Variants in RASGRF1 observed in about 807,000 individuals in gnomAD.
The protein encoded by RASGRF1 is ras-specific guanine nucleotide-releasing factor 1.
A neutral mutation model predicts 138.7 loss-of-function variants in RASGRF1; 40 were observed. The ratio of observed to expected loss-of-function variants is 0.29; its 90% confidence interval spans 0.22 to 0.38. RASGRF1 has a LOEUF of 0.38. RASGRF1 is among the 10% of genes least tolerant of loss of function. RASGRF1 has a pLI of 1.00. For missense variants in RASGRF1, 1,108 were observed against 1,650.4 expected (o/e 0.67, Z 5.69); for synonymous variants, 614 against 663.2 (o/e 0.93, Z 1.14).
intron 3 of RASGRF1, among the ~76,000 whole-genome samples, chr15:79,055,065 C>A (rs933152270): frequency 6.6e-6 from 1 of 152,194 alleles, no homozygotes; most frequent in African/African-American, 2.4e-5. Flanking sequence ...GAGGAGAAGG[C>A]TGTGGTGGGG....
rs2056900818 is a variant in RASGRF1, at chr15:79,017,761, G to A, written c.1743+9C>T. 1.3e-6 allele frequency: 2 copies of A among 1,596,228 alleles called. No individual in the cohort carries two copies. Among genetic ancestry groups the A allele is most frequent in the Non-Finnish European group, 1.7e-6 (2 of 1,173,230 alleles). On this transcript the variant is annotated intron_variant, in intron 12 of 26. Coordinates refer to ENST00000558480, the MANE Select transcript of RASGRF1 (RefSeq NM_001145648.3). ...CCACTCGCTTTCAGGAACAGGTGAC[G>A]CTACTCACCTGGCTGATGTCACTGG...
intron 5 of RASGRF1, among the ~76,000 whole-genome samples, chr15:79,042,873 A>G (rs1469583001): frequency 6.6e-6 from 1 of 152,214 alleles, no homozygotes. Context: ...GGGCTGTTTT[A>G]AGGTCACAAA....
At chr15:79,041,564 A>C (rs906165960) in intron 5 of RASGRF1, among the ~76,000 whole-genome samples, 6 of 152,188 alleles carry the variant, frequency 3.9e-5, no homozygotes, top group Admixed American at 2.6e-4. Flanking sequence ...CATCCAAGGA[A>C]AGACATGAAC....
At chr15:79,047,163 C>T (rs931422610) in intron 4 of RASGRF1, among the ~76,000 whole-genome samples, 164 bp from the exon 5 acceptor site, 21 of 152,196 alleles carry the variant, frequency 1.4e-4, no homozygotes, top group Non-Finnish European at 2.9e-4. Context: ...AGCTCTGTTG[C>T]CCACATGATA....
Position 79,006,270 on chromosome 15 carries a change from G to A in RASGRF1, c.1991C>T (p.Ser664Phe). ...GATGGCGGTGGTGAAGACGCGGTAG[G>A]AGTGCAGGAAGGTGTTGAGGAAGTC... ...SIDFLNTFLH[S>F]YRVFTTAIVV... The change falls in exon 14 of 27, where the codon TCC becomes TTC. Residue 664 changes from serine to phenylalanine, a missense_variant. Ser to Phe is a radical substitution (Grantham distance 155). Around this residue, in one of 3 missense-constraint regions of RASGRF1, gnomAD observed 686 missense variants for 976.7 expected, o/e 0.70. Coordinates refer to ENST00000558480, the MANE Select transcript of RASGRF1 (RefSeq NM_001145648.3). The surrounding 1 kb of genome is among the most constrained non-coding windows in gnomAD (Gnocchi z 4.0). The A allele has an allele frequency of 6.2e-7, 1 of 1,614,198 alleles. No homozygotes were observed. Among genetic ancestry groups the A allele is most frequent in the Non-Finnish European group, 8.5e-7 (1 of 1,180,046 alleles).
chr15:78,983,301 G>A (rs2056076817), intron 23 of RASGRF1, among the ~76,000 whole-genome samples: 2 of 145,008 alleles, frequency 1.4e-5, no homozygotes, highest in East Asian at 4.1e-4. Flanking sequence ...TGGTGCCAAA[G>A]GTATTTTTGA....
At chr15:79,043,537 C>G (rs1195396123) in intron 5 of RASGRF1, among the ~76,000 whole-genome samples, 1 of 152,184 alleles carries the variant, frequency 6.6e-6, no homozygotes, top group Non-Finnish European at 1.5e-5. Flanking sequence ...CTGATGACCT[C>G]TAGAGTCCAT....
Position 78,973,167 on chromosome 15 carries a change from A to G in RASGRF1, c.3612+136T>C. On this transcript the variant is annotated intron_variant, in intron 25 of 26. Coordinates refer to ENST00000558480, the MANE Select transcript of RASGRF1 (RefSeq NM_001145648.3). This position sits in a 1 kb window ranked among gnomAD's most constrained non-coding sequence, Gnocchi z 4.9. ...TGATAGTGATGGCTGTCATTGGGGAAGCTGGACCCAGGCTCCCAAATGGGG... is the reference window on the plus strand; with the variant it reads ...TGATAGTGATGGCTGTCATTGGGGAGGCTGGACCCAGGCTCCCAAATGGGG... 1.5e-6 allele frequency: 1 copy of G among 669,110 alleles called. No homozygotes were observed. Among genetic ancestry groups the G allele is most frequent in the Non-Finnish European group, 2.6e-6 (1 of 382,668 alleles). The allele number at this position is 669,110 out of a possible 1,614,324, so 41.4% of individuals were successfully genotyped here. A position where few individuals can be genotyped will look rare whatever the true frequency, so the allele number is the denominator to read the frequency against.
rs2056273301 is a variant in RASGRF1 at position 78,991,792 on chromosome 15, A to T, written c.3030T>A (p.Ala1010=). 1.2e-6 allele frequency: 2 copies of T among 1,611,384 alleles called. No individual in the cohort carries two copies. Among genetic ancestry groups the T allele is most frequent in the South Asian group, 1.1e-5 (1 of 90,966 alleles). Reference sequence around the variant, plus strand: ...CAAAGGGCTCAGCCTTCACGCCTTCAGCCTGGTTTTGAGTTGGGGGAGCAA... The same window carrying T: ...CAAAGGGCTCAGCCTTCACGCCTTCTGCCTGGTTTTGAGTTGGGGGAGCAA... The part of the protein sequence containing the change: ...QITLEEITQM[A]EGVKAEPFEN... Residue 1010 remains alanine (A), a splice_region_variant and synonymous_variant, in exon 21 of 27, where the codon GCT becomes GCA. Transcript: ENST00000558480.
At chr15:79,012,499 C>G (rs1318830391) in intron 13 of RASGRF1, 1 of 1,606,382 alleles carries the variant, frequency 6.2e-7, no homozygotes, top group Non-Finnish European at 8.5e-7. Flanking sequence ...CTGCTCATTT[C>G]TGCTTCCCTG....
chr15:79,055,083 A>G (rs1361028897), intron 3 of RASGRF1, among the ~76,000 whole-genome samples: 1 of 152,198 alleles, frequency 6.6e-6, no homozygotes, highest in Admixed American at 6.5e-5. Flanking sequence ...GGGCAGGCTC[A>G]GGCCAAGGAT....
chr15:79,014,928 AAAC>A (rs1567520854), intron 13 of RASGRF1, among the ~76,000 whole-genome samples: 1 of 140,572 alleles, frequency 7.1e-6, no homozygotes, highest in African/African-American at 3.1e-5. Flanking sequence ...AAAAAACAAA[AAAC>A]AAAAAACAAA....
rs777203011 is a variant in RASGRF1, at chr15:78,962,113, G to A, written c.*31C>T. On this transcript the variant is annotated 3_prime_UTR_variant, in exon 27 of 27. Transcript: ENST00000558480. ...ACAGTATCATCTAGCACATGTCCCCGGGAGCAGCTGGGTCTGGGCTGGGCT... is the reference window on the plus strand; with the variant it reads ...ACAGTATCATCTAGCACATGTCCCCAGGAGCAGCTGGGTCTGGGCTGGGCT... 5.8e-6 allele frequency: 8 copies of A among 1,378,608 alleles called. No individual in the cohort carries two copies. The highest frequency in any genetic ancestry group is 1.2e-5 in the South Asian group (1 of 81,674). 85.4% of individuals were successfully genotyped at this position (1,378,608 alleles called of 1,614,324 possible).
In RASGRF1 at chr15:79,090,651, G is replaced by A; in HGVS notation, c.-153C>T. 9.2e-7 allele frequency: 1 copy of A among 1,091,882 alleles called. No individual in the cohort carries two copies. The highest frequency in any genetic ancestry group is 1.3e-6 in the Non-Finnish European group (1 of 775,922). 67.6% of individuals were successfully genotyped at this position (1,091,882 alleles called of 1,614,324 possible). On this transcript the variant is annotated 5_prime_UTR_variant, in exon 1 of 27. Transcript: ENST00000558480. Reference sequence around the variant, plus strand: ...CCCAAATATCTACACTCCAGGATCTGGCGCCGAGCCGCGGCTTCTTGAATC... The same window carrying A: ...CCCAAATATCTACACTCCAGGATCTAGCGCCGAGCCGCGGCTTCTTGAATC...
Position 79,090,292 on chromosome 15 carries a change from C to G in RASGRF1, c.207G>C (p.Glu69Asp). 1 of 1,613,266 alleles carries G rather than the reference C, an allele frequency of 6.2e-7. No individual in the cohort carries two copies. The highest frequency in any genetic ancestry group is 8.5e-7 in the Non-Finnish European group (1 of 1,179,892). Residue 69 changes from glutamate to aspartate, a missense_variant, in exon 1 of 27, where the codon GAG becomes GAC. Around this residue, in one of 3 missense-constraint regions of RASGRF1, gnomAD observed 253 missense variants for 329.5 expected, o/e 0.77. Transcript: ENST00000558480. ...AGGGCGCGCGGTCGCAGACGCAGCC[C>G]TCCAGCAGGTAAAGCCCCGAGGGCC... ...SSRPSGLYLL[E>D]GCVCDRAPSP...
chr15:78,960,902 G>T lies in RASGRF1; in HGVS notation c.*1242C>A, dbSNP rs530807637. ...GAACGAATGAAACCCATCAAAACTC[G>T]CTGTTCACCCTGAGATAGAATAGAT... On this transcript the variant is annotated 3_prime_UTR_variant, in exon 27 of 27. Coordinates refer to ENST00000558480, the MANE Select transcript of RASGRF1 (RefSeq NM_001145648.3). 1 of 152,086 alleles carries T rather than the reference G, an allele frequency of 6.6e-6. No individual in the cohort carries two copies. Among genetic ancestry groups the T allele is most frequent in the Non-Finnish European group, 1.5e-5 (1 of 68,026 alleles). The allele number at this position is 152,086 out of a possible 1,614,324, so 9.4% of individuals were successfully genotyped here. A position where few individuals can be genotyped will look rare whatever the true frequency, so the allele number is the denominator to read the frequency against.
Position 78,961,905 on chromosome 15 carries a change from A to G in RASGRF1, c.*239T>C. On this transcript the variant is annotated 3_prime_UTR_variant, in exon 27 of 27. Transcript: ENST00000558480. ...TGAGGAGTCTAGGGAAGAGGGACCA[A>G]GAGTACAGCTGTTTAAAAGAAACAG... The G allele has an allele frequency of 4.4e-6, 2 of 455,710 alleles. No individual in the cohort carries two copies. The highest frequency in any genetic ancestry group is 4.0e-6 in the Non-Finnish European group (1 of 252,640). 28.2% of individuals were successfully genotyped at this position (455,710 alleles called of 1,614,324 possible). A position where few individuals can be genotyped will look rare whatever the true frequency, so the allele number is the denominator to read the frequency against.
At chr15:78,990,370 G>T in intron 21 of RASGRF1, 97 bp from the exon 22 acceptor site, 1 of 843,394 alleles carries the variant, frequency 1.2e-6, no homozygotes. Context: ...GGCTTTTTGA[G>T]GCTGTCATTT....
intron 16 of RASGRF1, 32 bp from the exon 17 acceptor site, chr15:78,999,945 T>C (rs2141692041): frequency 6.2e-7 from 1 of 1,601,360 alleles, no homozygotes; most frequent in Non-Finnish European, 8.6e-7. Flanking sequence ...CCCTCAGCTG[T>C]CCCCAGTCCC....
Sources: gnomAD v4.1 joint callset for allele counts (sites outside exome capture counted in the v4.1 genomes callset) on GRCh38, gnomAD v4.1.1 for gene constraint, gnomAD v4.1.1 regional missense constraint, Gnocchi (gnomAD v3.1) non-coding constraint, MANE v1.5 for transcripts, NCBI Gene and HGNC (gene_info 2026-07-23, HGNC 2026-07-21) for gene names.